KIF13B: variants seen among roughly 807,000 people sequenced by gnomAD.
KIF13B encodes the protein kinesin family member 13B.
KIF13B carries 127 observed loss-of-function variants against 222.0 expected under a neutral mutation model. The observed-to-expected ratio is 0.57, with a 90% CI of 0.50 to 0.66. The LOEUF (loss-of-function observed/expected upper bound fraction) is 0.66. Ranked by LOEUF, KIF13B falls within the 30% of genes least tolerant of loss-of-function variation. The pLI is 0.00. For missense variants in KIF13B, 2,173 were observed against 2,379.0 expected (o/e 0.91, Z 1.80); for synonymous variants, 976 against 919.0 (o/e 1.06, Z -1.12).
chr8:29,256,686 T>C (rs1816489247), intron 1 of KIF13B, among the ~76,000 whole-genome samples: 1 of 152,198 alleles, frequency 6.6e-6, no homozygotes, highest in African/African-American at 2.4e-5. Flanking sequence ...GGTTTTGTAA[T>C]TCTGGGAATG....
intron 2 of KIF13B, among the ~76,000 whole-genome samples, chr8:29,228,026 A>G (rs905857712): frequency 5.9e-5 from 9 of 151,622 alleles, no homozygotes; most frequent in Non-Finnish European, 1.3e-4. Context: ...AACACTGGAA[A>G]TTTTTTTTAT....
At chr8:29,170,745 G>C (rs763836378) in intron 10 of KIF13B, among the ~76,000 whole-genome samples, 1 of 152,142 alleles carries the variant, frequency 6.6e-6, no homozygotes, top group Non-Finnish European at 1.5e-5. Flanking sequence ...AAAGGGGTCA[G>C]CTCATAAAGG....
chr8:29,176,050 G>GA lies in KIF13B; in HGVS notation c.945+17dup, dbSNP rs201417472. The stretch of plus-strand genomic sequence containing the variant: ...AACCACCAAAAGTATGCCAGGAAGG[G>GA]AAAAAAAACAAACTTACTTTGAGCA... On this transcript the variant is annotated intron_variant, in intron 10 of 39. Transcript: ENST00000524189. 7.6e-4 allele frequency: 1,135 copies of GA among 1,488,108 alleles called. 10 individuals are homozygous for GA. The East Asian group carries it at 0.021, about 28-fold the overall frequency. The allele number at this position is 1,488,108 out of a possible 1,614,324, so 92.2% of individuals were successfully genotyped here. A position where few individuals can be genotyped will look rare whatever the true frequency, so the allele number is the denominator to read the frequency against.
chr8:29,115,150 T>G (rs2129652061), intron 31 of KIF13B, among the ~76,000 whole-genome samples: 1 of 152,238 alleles, frequency 6.6e-6, no homozygotes, highest in African/African-American at 2.4e-5. Context: ...GGGTGGAGAT[T>G]ACATCTAGGA....
intron 36 of KIF13B, among the ~76,000 whole-genome samples, chr8:29,098,076 C>G (rs928599365): frequency 2.0e-5 from 3 of 147,000 alleles, no homozygotes; most frequent in Non-Finnish European, 4.4e-5. Flanking sequence ...GAGGCTGAAG[C>G]AGGAGAATCA....
intron 13 of KIF13B, among the ~76,000 whole-genome samples, chr8:29,156,979 CCACCACCAGT>C (rs1419748204): frequency 6.6e-6 from 1 of 152,124 alleles, no homozygotes; most frequent in Non-Finnish European, 1.5e-5. Context: ...GATGGCACTA[CCACCACCAGT>C]CAGTCAACTG....
rs190183580 is a variant in KIF13B, at chr8:29,210,470, C to T, written c.150-14271G>A. Among the ~76,000 whole-genome samples, 381 of 152,312 alleles carry T rather than the reference C, an allele frequency of 2.5e-3. 5 individuals carry two copies. Among genetic ancestry groups the T allele is most frequent in the African/African-American group, 8.7e-3 (360 of 41,566 alleles). Reference sequence around the variant, plus strand: ...ACCAAACACACCCTACGTCTCCTTCCAGCCTTATTGCCCCCAAATAATGAG... The same window carrying T: ...ACCAAACACACCCTACGTCTCCTTCTAGCCTTATTGCCCCCAAATAATGAG... On this transcript the variant is annotated intron_variant, in intron 2 of 39. Transcript: ENST00000524189.
intron 35 of KIF13B, among the ~76,000 whole-genome samples, chr8:29,102,678 C>T (rs1023091273): frequency 6.6e-6 from 1 of 152,180 alleles, no homozygotes; most frequent in Admixed American, 6.5e-5. Context: ...ACGAGAAGTG[C>T]CAGTGACATT....
chr8:29,161,721 AAAAC>A (rs1031350757), intron 12 of KIF13B, among the ~76,000 whole-genome samples: 2 of 148,716 alleles, frequency 1.3e-5, no homozygotes, highest in Admixed American at 6.7e-5. Context: ...AAAAAAACAA[AAAAC>A]AAACAAACAA....
intron 29 of KIF13B, among the ~76,000 whole-genome samples, chr8:29,122,262 A>C (rs2129734420): frequency 6.6e-6 from 1 of 152,298 alleles, no homozygotes; most frequent in Non-Finnish European, 1.5e-5. Context: ...TCAAAAAATA[A>C]ATAAATAAAT....
chr8:29,089,030 G>C (rs759292852), intron 37 of KIF13B, among the ~76,000 whole-genome samples: 9 of 152,196 alleles, frequency 5.9e-5, no homozygotes, highest in Non-Finnish European at 8.8e-5. Context: ...CCTAGGAAAA[G>C]AAGGTTCTTA....
At chr8:29,116,717 A>G (rs1809614187) in intron 31 of KIF13B, 114 bp downstream of exon 31, 4 of 949,002 alleles carry the variant, frequency 4.2e-6, no homozygotes, top group Non-Finnish European at 6.2e-6. Context: ...CTGGAAAAGA[A>G]AAGCTCAGTG....
intron 10 of KIF13B, among the ~76,000 whole-genome samples, chr8:29,171,460 T>C (rs182735260): frequency 6.9e-4 from 105 of 152,236 alleles, no homozygotes; most frequent in African/African-American, 2.5e-3. Flanking sequence ...GAAAATGTTA[T>C]AGAAGATGGG....
At chr8:29,135,401 C>T (rs926193546) in intron 21 of KIF13B, among the ~76,000 whole-genome samples, 5 of 152,130 alleles carry the variant, frequency 3.3e-5, no homozygotes, top group African/African-American at 1.2e-4. Flanking sequence ...TACAACTTCT[C>T]CAACTACGAA....
intron 8 of KIF13B, 54 bp downstream of exon 8, chr8:29,180,050 A>G: frequency 6.3e-7 from 1 of 1,598,740 alleles, no homozygotes; most frequent in Non-Finnish European, 8.5e-7. Flanking sequence ...GAAAAAAATA[A>G]AACCACAATC....
chr8:29,117,788 G>A (rs753457836), intron 30 of KIF13B, among the ~76,000 whole-genome samples: 7 of 152,088 alleles, frequency 4.6e-5, no homozygotes, highest in African/African-American at 1.4e-4. Flanking sequence ...ATAAACTCCC[G>A]TGAGATACCC....
chr8:29,090,306 T>C (rs977440475), intron 37 of KIF13B, among the ~76,000 whole-genome samples: 4 of 152,192 alleles, frequency 2.6e-5, no homozygotes, highest in Non-Finnish European at 5.9e-5. Flanking sequence ...CTGGCTACTC[T>C]GTTTAAACAG....
chr8:29,082,096 A>G (rs570751697), intron 37 of KIF13B, among the ~76,000 whole-genome samples: 1 of 152,346 alleles, frequency 6.6e-6, no homozygotes, highest in Middle Eastern at 3.4e-3. Context: ...ACTACATTCT[A>G]AAGACTGTGG....
rs545368546 is a variant in KIF13B, at chr8:29,070,488, G to A, written c.*16C>T. ...GGGCCGGGCACCCCCAGAAAAGTTC[G>A]CCCTAAGGCAGCGGCTCAGCTGGCC... On this transcript the variant is annotated 3_prime_UTR_variant, in exon 40 of 40. Transcript: ENST00000524189. The surrounding 1 kb of genome is among the most constrained non-coding windows in gnomAD (Gnocchi z 4.1). The A allele has an allele frequency of 2.9e-4, 467 of 1,608,352 alleles. 7 individuals carry two copies. The South Asian group carries it at 4.7e-3, about 16-fold the overall frequency.
Sources: gnomAD v4.1 joint callset for allele counts (sites outside exome capture counted in the v4.1 genomes callset) on GRCh38, gnomAD v4.1.1 for gene constraint, Gnocchi (gnomAD v3.1) non-coding constraint, MANE v1.5 for transcripts, NCBI Gene and HGNC (gene_info 2026-07-23, HGNC 2026-07-21) for gene names.